IL1RAPL1: variants seen among roughly 807,000 people sequenced by gnomAD.
IL1RAPL1 encodes the protein interleukin 1 receptor accessory protein like 1.
IL1RAPL1 carries 3 observed loss-of-function variants against 48.4 expected under a neutral mutation model. The observed-to-expected ratio is 0.06, with a 90% confidence interval of 0.03 to 0.16. The LOEUF is 0.16. IL1RAPL1 is among the 10% of genes least tolerant of loss of function. The probability of loss-of-function intolerance (pLI) is 1.00; values close to 1 mark genes in which losing one functional copy is unlikely to be tolerated. For synonymous variants in IL1RAPL1, 185 were observed against 187.7 expected (o/e 0.99, Z 0.12); for missense variants, 349 against 530.6 (o/e 0.66, Z 3.36).
At chrX:29,279,257 G>A (rs1026393235) in intron 2 of IL1RAPL1, among the ~76,000 whole-genome samples, 5 of 110,784 alleles carry the variant, frequency 4.5e-5, no homozygotes, top group African/African-American at 1.6e-4. Context: ...CCAACATGGT[G>A]AAACCACGTC....
At chrX:29,252,207 T>C (rs934110180) in intron 2 of IL1RAPL1, among the ~76,000 whole-genome samples, 12 of 111,696 alleles carry the variant, frequency 1.1e-4, no homozygotes, top group African/African-American at 4.0e-4. Context: ...ATGGCACATG[T>C]ATACATATGT....
At chrX:29,727,522 C>A (rs753255873) in intron 6 of IL1RAPL1, among the ~76,000 whole-genome samples, 1 of 112,228 alleles carries the variant, frequency 8.9e-6, no homozygotes, top group African/African-American at 3.2e-5. Flanking sequence ...ACCTGGGATA[C>A]TACTTTGCTT....
intron 3 of IL1RAPL1, among the ~76,000 whole-genome samples, chrX:29,371,126 CTTTT>C (rs1168566971): frequency 1.8e-5 from 1 of 56,709 alleles, no homozygotes; most frequent in African/African-American, 7.3e-5. Context: ...TCTAAATGTA[CTTTT>C]TTTTTTTTTT....
At chrX:28,964,303 G>A (rs781457966) in intron 2 of IL1RAPL1, among the ~76,000 whole-genome samples, 2 of 111,422 alleles carry the variant, frequency 1.8e-5, no homozygotes, top group South Asian at 7.4e-4. Context: ...TGTCTATTAA[G>A]TAACTGGCTT....
intron 6 of IL1RAPL1, among the ~76,000 whole-genome samples, chrX:29,736,623 G>T (rs1223559949): frequency 9.0e-6 from 1 of 111,451 alleles, no homozygotes; most frequent in Non-Finnish European, 1.9e-5. Context: ...CTACTTGGGA[G>T]GCTGAGGGAG....
At chrX:29,043,665 A>G (rs187727708) in intron 2 of IL1RAPL1, among the ~76,000 whole-genome samples, 95 of 111,702 alleles carry the variant, frequency 8.5e-4, no homozygotes, top group Non-Finnish European at 1.3e-3. Context: ...CTGTGTCAGA[A>G]TGCCAATGAC....
chrX:29,263,192 C>T (rs1931891144), intron 2 of IL1RAPL1, among the ~76,000 whole-genome samples: 1 of 111,346 alleles, frequency 9.0e-6, no homozygotes, highest in Non-Finnish European at 1.9e-5. Flanking sequence ...AGAGTGAGTT[C>T]ACTAAGGGCA....
chrX:29,290,213 A>G (rs1932349374), intron 3 of IL1RAPL1, among the ~76,000 whole-genome samples: 1 of 112,015 alleles, frequency 8.9e-6, no homozygotes, highest in Non-Finnish European at 1.9e-5. Context: ...ATTCAGTGGA[A>G]TTCTGCCGAG....
At chrX:28,600,300 G>A (rs1402236913) in intron 1 of IL1RAPL1, among the ~76,000 whole-genome samples, 2 of 111,850 alleles carry the variant, frequency 1.8e-5, no homozygotes, top group Admixed American at 1.9e-4. Context: ...GATTTTCTCA[G>A]GAATGTAGTT....
intron 2 of IL1RAPL1, among the ~76,000 whole-genome samples, chrX:29,127,803 C>CA (rs1208046312): frequency 1.8e-5 from 2 of 109,959 alleles, no homozygotes; most frequent in East Asian, 5.7e-4. Flanking sequence ...ACTGAAAGTA[C>CA]AAAAAAATAA....
At chrX:29,204,782 A>AT (rs1179238729) in intron 2 of IL1RAPL1, among the ~76,000 whole-genome samples, 1 of 111,387 alleles carries the variant, frequency 9.0e-6, no homozygotes, top group Non-Finnish European at 1.9e-5. Flanking sequence ...ATTTACTCCC[A>AT]TTTTGCAGCC....
intron 1 of IL1RAPL1, among the ~76,000 whole-genome samples, chrX:28,772,497 A>C (rs775019605): frequency 9.0e-6 from 1 of 111,691 alleles, no homozygotes; most frequent in South Asian, 3.8e-4. Flanking sequence ...AGGGAGTGGC[A>C]GACTAGCTTT....
At chrX:29,632,152 CTT>C (rs1268652852) in intron 5 of IL1RAPL1, among the ~76,000 whole-genome samples, 1 of 102,079 alleles carries the variant, frequency 9.8e-6, no homozygotes, top group Non-Finnish European at 2.0e-5. Context: ...TTGGTTGTAA[CTT>C]TTTTTTTTTT....
chrX:29,662,211 G>C (rs1231103486), intron 5 of IL1RAPL1, among the ~76,000 whole-genome samples: 2 of 110,980 alleles, frequency 1.8e-5, no homozygotes, highest in Non-Finnish European at 3.8e-5. Context: ...CCTCTCTTAA[G>C]CATGCCAAGT....
chrX:29,699,076 A>G (rs1054734961), intron 6 of IL1RAPL1, among the ~76,000 whole-genome samples: 6 of 112,453 alleles, frequency 5.3e-5, no homozygotes, highest in African/African-American at 1.9e-4. Context: ...TTAAAAATTA[A>G]TTCATCTTTT....
intron 2 of IL1RAPL1, among the ~76,000 whole-genome samples, chrX:28,815,954 G>A (rs914359384): frequency 5.3e-5 from 5 of 94,337 alleles, no homozygotes. Flanking sequence ...ATTGTGAATA[G>A]TGCTACAATA....
intron 1 of IL1RAPL1, among the ~76,000 whole-genome samples, chrX:28,648,695 GA>G (rs1289347314): frequency 1.8e-5 from 2 of 111,711 alleles, no homozygotes; most frequent in African/African-American, 6.5e-5. Flanking sequence ...TAGGATTGGT[GA>G]AAACAGGAAA....
At chrX:28,787,258 G>T (rs1237136421) in intron 1 of IL1RAPL1, among the ~76,000 whole-genome samples, 1 of 112,082 alleles carries the variant, frequency 8.9e-6, no homozygotes, top group African/African-American at 3.2e-5. Flanking sequence ...GTATAGTTGG[G>T]TCCTGGAGTT....
intron 1 of IL1RAPL1, among the ~76,000 whole-genome samples, chrX:28,654,867 A>T (rs1430690908): frequency 8.9e-6 from 1 of 111,770 alleles, no homozygotes; most frequent in Non-Finnish European, 1.9e-5. Context: ...ATGCAAGTAA[A>T]CCCATACCAC....
Sources: gnomAD v4.1 joint callset for allele counts (sites outside exome capture counted in the v4.1 genomes callset) on GRCh38, gnomAD v4.1.1 for gene constraint, MANE v1.5 for transcripts, NCBI Gene and HGNC (gene_info 2026-07-23, HGNC 2026-07-21) for gene names.